Variants in PSMA8 observed in about 807,000 individuals in gnomAD.
PSMA8 encodes proteasome subunit alpha-type 8.
In PSMA8, 18 loss-of-function variants were observed where a neutral mutation model predicts 32.4. The observed-to-expected ratio is 0.56, with a 90% CI of 0.38 to 0.82. PSMA8 has a LOEUF of 0.82. Ranked by LOEUF, PSMA8 falls within the 40% of genes least tolerant of loss-of-function variation. The pLI is 0.00. For synonymous variants in PSMA8, 104 were observed against 98.1 expected (o/e 1.06, Z -0.36); for missense variants, 298 against 300.7 (o/e 0.99, Z 0.07).
At chr18:26,184,923 CTAA>C (rs2055340938) in intron 6 of PSMA8, among the ~76,000 whole-genome samples, 1 of 149,056 alleles carries the variant, frequency 6.7e-6, no homozygotes, top group Non-Finnish European at 1.5e-5. Context: ...CCTATCTCTA[CTAA>C]AAATACAAAA....
At chr18:26,150,142 A>C (rs1242582069) in intron 2 of PSMA8, among the ~76,000 whole-genome samples, 1 of 152,180 alleles carries the variant, frequency 6.6e-6, no homozygotes, top group Non-Finnish European at 1.5e-5. Flanking sequence ...CCCAACCAGT[A>C]AGTATAACGC....
At chr18:26,165,855 G>T (rs1255658007) in intron 4 of PSMA8, among the ~76,000 whole-genome samples, 1 of 152,046 alleles carries the variant, frequency 6.6e-6, no homozygotes, top group African/African-American at 2.4e-5. Flanking sequence ...CAGCACTTTG[G>T]GAGGCCGAGG....
intron 4 of PSMA8, among the ~76,000 whole-genome samples, chr18:26,177,297 A>T (rs1047807273): frequency 5.3e-5 from 8 of 152,314 alleles, no homozygotes; most frequent in Non-Finnish European, 1.0e-4. Context: ...TTGTGGAGGC[A>T]GCTAAAAATC....
At chr18:26,151,278 G>A (rs1428162321) in intron 2 of PSMA8, among the ~76,000 whole-genome samples, 1 of 152,142 alleles carries the variant, frequency 6.6e-6, no homozygotes, top group Non-Finnish European at 1.5e-5. Context: ...GAAACAAAGT[G>A]GACATGGAAA....
intron 4 of PSMA8, among the ~76,000 whole-genome samples, chr18:26,172,414 A>T (rs73944487): frequency 0.12 from 17,545 of 152,218 alleles, 1,715 homozygotes; most frequent in African/African-American, 0.25. Flanking sequence ...ATAAATGGGC[A>T]TAGTGATGTA....
intron 1 of PSMA8, among the ~76,000 whole-genome samples, chr18:26,140,643 A>G (rs931737285): frequency 1.3e-5 from 2 of 152,212 alleles, no homozygotes; most frequent in Admixed American, 1.3e-4. Context: ...ATCAGCTTTC[A>G]TAAATGAGGA....
chr18:26,162,056 A>G (rs1189672722), intron 4 of PSMA8, among the ~76,000 whole-genome samples: 4 of 152,190 alleles, frequency 2.6e-5, no homozygotes, highest in Non-Finnish European at 5.9e-5. Flanking sequence ...AAAAAATTCT[A>G]TATATTTATG....
At chr18:26,171,265 T>C in intron 4 of PSMA8, 1 of 1,525,662 alleles carries the variant, frequency 6.6e-7, no homozygotes, top group Non-Finnish European at 8.6e-7. Flanking sequence ...ACAGCGACGA[T>C]GCAGTTTAGC....
chr18:26,145,093 T>TACA (rs1164750613), intron 2 of PSMA8, among the ~76,000 whole-genome samples: 3 of 152,180 alleles, frequency 2.0e-5, no homozygotes, highest in Non-Finnish European at 4.4e-5. Context: ...CATGTTCATG[T>TACA]ACATGTATGT....
intron 6 of PSMA8, among the ~76,000 whole-genome samples, chr18:26,189,817 C>T: frequency 6.6e-6 from 1 of 152,146 alleles, no homozygotes; most frequent in African/African-American, 2.4e-5. Context: ...GAAAGGAAAT[C>T]AGTATATTGA....
At position 26,171,087 on chromosome 18, in the gene PSMA8, G is replaced by A. The variant is rs568389868; in HGVS notation, c.478-7743G>A. ...AACTAAATTAATTCTACCCTTTAAA[G>A]GTCGATTCTTCTCAGGAATGGAGAA... is the stretch of plus-strand genomic sequence containing the variant. On this transcript the variant is annotated intron_variant, in intron 4 of 6. Transcript: ENST00000415576. 1.3e-6 allele frequency: 2 copies of A among 1,559,262 alleles called. 1 individual carries two copies. The highest frequency in any genetic ancestry group is 2.2e-5 in the South Asian group (2 of 89,924).
At position 26,151,880 on chromosome 18, in the gene PSMA8, A is replaced by G. The variant is rs1426616771; in HGVS notation, c.252A>G (p.Val84=). ...AFAGLTADAR[V]VINRARVECQ... ...TAGGACTTACTGCTGATGCTAGAGT[A>G]GTAATAAACAGAGCCCGTGTGGAGT... Residue 84 remains valine (V), a synonymous_variant, in exon 3 of 7, where the codon GTA becomes GTG. Coordinates refer to ENST00000415576, the MANE Select transcript of PSMA8 (RefSeq NM_001025096.2). 3 of 1,608,504 alleles carry G rather than the reference A, an allele frequency of 1.9e-6. No individual in the cohort carries two copies. Among genetic ancestry groups the G allele is most frequent in the Non-Finnish European group, 2.5e-6 (3 of 1,177,790 alleles).
At chr18:26,148,372 A>G (rs2055020064) in intron 2 of PSMA8, among the ~76,000 whole-genome samples, 1 of 151,996 alleles carries the variant, frequency 6.6e-6, no homozygotes, top group Admixed American at 6.6e-5. Context: ...TATGAAGATC[A>G]ATCAATGTAA....
chr18:26,166,704 T>C (rs2055182972), intron 4 of PSMA8, among the ~76,000 whole-genome samples: 1 of 152,142 alleles, frequency 6.6e-6, no homozygotes, highest in Admixed American at 6.5e-5. Context: ...AAACAATAAA[T>C]AACCATGGTT....
chr18:26,149,130 C>G lies in PSMA8; in HGVS notation c.230-2728C>G, dbSNP rs138088798. ...AGTGTTACAATAAAGGTGTGAGTCA[C>G]CACACCAAGCCCCAAATCATTTCTA... On this transcript the variant is annotated intron_variant, in intron 2 of 6. Coordinates refer to ENST00000415576, the MANE Select transcript of PSMA8 (RefSeq NM_001025096.2). Among the ~76,000 whole-genome samples, 484 of 152,272 alleles carry G rather than the reference C, an allele frequency of 3.2e-3. 1 individual carries two copies. The highest frequency in any genetic ancestry group is 0.012 in the South Asian group (57 of 4,814).
At chr18:26,141,326 A>G (rs2054954058) in intron 1 of PSMA8, among the ~76,000 whole-genome samples, 1 of 152,204 alleles carries the variant, frequency 6.6e-6, no homozygotes. Context: ...CTTTGATATT[A>G]ACATATTCAT....
intron 1 of PSMA8, among the ~76,000 whole-genome samples, chr18:26,143,125 A>G (rs1431784231): frequency 1.3e-5 from 2 of 152,160 alleles, no homozygotes; most frequent in East Asian, 1.9e-4. Context: ...CAGATTCTCA[A>G]ATAACATTGT....
rs181678938 is a variant in PSMA8, at chr18:26,193,289, A to G, written c.*878A>G. Reference sequence around the variant, plus strand: ...GGAAAGGATTTAATCCAAATGGTCCACAAGAGGAATGTGCTTAATTCCTAC... The same window carrying G: ...GGAAAGGATTTAATCCAAATGGTCCGCAAGAGGAATGTGCTTAATTCCTAC... On this transcript the variant is annotated 3_prime_UTR_variant, in exon 7 of 7. Coordinates refer to ENST00000415576, the MANE Select transcript of PSMA8 (RefSeq NM_001025096.2). 1.8e-4 allele frequency: 28 copies of G among 152,376 alleles called. No individual in the cohort carries two copies. Among genetic ancestry groups the G allele is most frequent in the African/African-American group, 5.8e-4 (24 of 41,604 alleles). The allele number at this position is 152,376 out of a possible 1,614,324, so 9.4% of individuals were successfully genotyped here.
intron 6 of PSMA8, among the ~76,000 whole-genome samples, chr18:26,181,240 T>C (rs2055308660): frequency 6.6e-6 from 1 of 152,204 alleles, no homozygotes; most frequent in South Asian, 2.1e-4. Context: ...ATAACGGTGA[T>C]CTGTGATCAA....
Sources: gnomAD v4.1 joint callset for allele counts (sites outside exome capture counted in the v4.1 genomes callset) on GRCh38, gnomAD v4.1.1 for gene constraint, MANE v1.5 for transcripts, NCBI Gene and HGNC (gene_info 2026-07-23, HGNC 2026-07-21) for gene names.